Variants in GLYATL1B observed in about 807,000 individuals in gnomAD.
GLYATL1B encodes the protein glycine-N-acyltransferase like 1B.
GLYATL1B carries 6 observed loss-of-function variants against 5.5 expected under a neutral mutation model. The ratio of observed to expected loss-of-function variants is 1.09; its 90% confidence interval spans 0.60 to 2.15. The LOEUF (loss-of-function observed/expected upper bound fraction) is 2.15, where lower values mean the gene tolerates loss of function less well. Among genes scored for constraint, GLYATL1B ranks in the 30% most tolerant of loss-of-function variants. GLYATL1B has a pLI of 0.00. For synonymous variants in GLYATL1B, 67 were observed against 34.9 expected, an observed-to-expected ratio of 1.92 and a Z score of -3.24; for missense variants, 135 against 94.1, an observed-to-expected ratio of 1.43 and a Z score of -1.80.
chr11:59,088,516 G>A (rs1309066784), intron 2 of GLYATL1B, among the ~76,000 whole-genome samples: 4 of 152,132 alleles, frequency 2.6e-5, no homozygotes, highest in Non-Finnish European at 4.4e-5. Context: ...ATTTCGGATC[G>A]ATGATTAATG....
intron 2 of GLYATL1B, among the ~76,000 whole-genome samples, chr11:59,087,718 G>A (rs758552275): frequency 1.4e-4 from 22 of 152,222 alleles, no homozygotes; most frequent in Admixed American, 2.6e-4. Flanking sequence ...ATGGTGATGC[G>A]TGCCTATACT....
rs474847 is a variant in GLYATL1B at position 59,094,378 on chromosome 11, G to C, written c.501G>C (p.Pro167=). 5.5e-5 allele frequency: 30 copies of C among 544,022 alleles called. No homozygotes were observed. The highest frequency in any genetic ancestry group is 3.0e-4 in the Admixed American group (10 of 33,482). The allele number at this position is 544,022 out of a possible 1,614,324, so 33.7% of individuals were successfully genotyped here. ...TTTTTGTTTTCTACAGCGAGACTCC[G>C]AACTTTAAGTATGCCCAGCTGAATG... ...HPDDELESET[P]NFKYAQLNVS... Residue 167 remains proline (P), a synonymous_variant, in exon 5 of 5, where the codon CCG becomes CCC. Transcript: ENST00000527482.
chr11:59,094,310 C>A, intron 4 of GLYATL1B, 59 bp from the exon 5 acceptor site: 3 of 485,678 alleles, frequency 6.2e-6, no homozygotes, highest in Non-Finnish European at 7.4e-6. Flanking sequence ...AATGGAAGGG[C>A]ACCTAGAAAT....
intron 3 of GLYATL1B, 106 bp from the exon 4 acceptor site, chr11:59,093,828 A>G: frequency 2.1e-6 from 1 of 478,280 alleles, no homozygotes; most frequent in Non-Finnish European, 3.8e-6. Flanking sequence ...ATTGTGGTGT[A>G]AACTCAACTT....
chr11:59,090,928 T>G (rs1348134303), intron 2 of GLYATL1B, among the ~76,000 whole-genome samples: 1 of 152,166 alleles, frequency 6.6e-6, no homozygotes, highest in Admixed American at 6.5e-5. Flanking sequence ...CTTTACAGGC[T>G]TAGAGCACTT....
chr11:59,089,621 A>G (rs1291175120), intron 2 of GLYATL1B, among the ~76,000 whole-genome samples: 9 of 152,132 alleles, frequency 5.9e-5, no homozygotes, highest in Non-Finnish European at 1.2e-4. Flanking sequence ...TCATATGATT[A>G]TCAGTCATTT....
chr11:59,093,380 T>C (rs991680732), intron 2 of GLYATL1B, 149 bp from the exon 3 acceptor site: 6 of 375,222 alleles, frequency 1.6e-5, no homozygotes, highest in Non-Finnish European at 2.4e-5. Context: ...CTTATAGGTC[T>C]CACTTATATT....
At chr11:59,086,584 T>C (rs1343905575) in intron 1 of GLYATL1B, among the ~76,000 whole-genome samples, 200 bp downstream of exon 1, 2 of 152,130 alleles carry the variant, frequency 1.3e-5, no homozygotes. Flanking sequence ...CTGCAGATTT[T>C]ATCACTCATT....
At position 59,090,914 on chromosome 11, in the gene GLYATL1B, C is replaced by T. The variant is rs556097433; in HGVS notation, c.187-2615C>T. Among the ~76,000 whole-genome samples the T allele has an allele frequency of 4.6e-5, 7 of 152,224 alleles. No homozygotes were observed. In the East Asian group the frequency reaches 1.3e-3, roughly 29 times the overall value. ...CTTACCTTTGGAATTACATTTAATTCTGTCTTTACAGGCTTAGAGCACTTT... is the reference window on the plus strand; with the variant it reads ...CTTACCTTTGGAATTACATTTAATTTTGTCTTTACAGGCTTAGAGCACTTT... On this transcript the variant is annotated intron_variant, in intron 2 of 4. Coordinates refer to ENST00000527482, the MANE Select transcript of GLYATL1B (RefSeq NM_001355566.1).
At chr11:59,088,808 G>A (rs540596875) in intron 2 of GLYATL1B, among the ~76,000 whole-genome samples, 3 of 152,230 alleles carry the variant, frequency 2.0e-5, no homozygotes, top group African/African-American at 7.2e-5. Context: ...AATTTACTTG[G>A]AAATACATTC....
At chr11:59,088,243 T>C (rs1432511759) in intron 2 of GLYATL1B, among the ~76,000 whole-genome samples, 1 of 152,206 alleles carries the variant, frequency 6.6e-6, no homozygotes, top group Non-Finnish European at 1.5e-5. Flanking sequence ...TTCTAAATAG[T>C]ATTTACCATA....
In GLYATL1B at chr11:59,094,483, A is replaced by C. The variant is rs1003038691; in HGVS notation, c.606A>C (p.Leu202=). 1.3e-6 allele frequency: 1 copy of C among 754,780 alleles called. No homozygotes were observed. Among genetic ancestry groups the C allele is most frequent in the African/African-American group, 1.7e-5 (1 of 57,400 alleles). 46.8% of individuals were successfully genotyped at this position (754,780 alleles called of 1,614,324 possible). ...KRSLRYIKRC[L]GALPAACMLG... is the part of the protein sequence containing the mutation. ...GCCTGCGTTACATCAAGCGCTGCCTAGGAGCCCTGCCAGCAGCCTGTATGC... is the reference window on the plus strand; with the variant it reads ...GCCTGCGTTACATCAAGCGCTGCCTCGGAGCCCTGCCAGCAGCCTGTATGC... Residue 202 remains leucine, a synonymous_variant, in exon 5 of 5, where the codon CTA becomes CTC. Transcript: ENST00000527482.
chr11:59,092,507 A>G (rs1215597424), intron 2 of GLYATL1B, among the ~76,000 whole-genome samples: 2 of 152,236 alleles, frequency 1.3e-5, no homozygotes, highest in Non-Finnish European at 2.9e-5. Context: ...ACTTGCATTT[A>G]TAAAAGCATC....
chr11:59,094,034 C>G lies in GLYATL1B; in HGVS notation c.414C>G (p.Ile138Met). The G allele has an allele frequency of 1.5e-6, 1 of 686,630 alleles. No homozygotes were observed. The highest frequency in any genetic ancestry group is 2.7e-6 in the Non-Finnish European group (1 of 376,850). The allele number at this position is 686,630 out of a possible 1,614,324, so 42.5% of individuals were successfully genotyped here. ...CACTCCTCTTTGTTACGGAAGATATCCTGAAGCTCTATGCCACCAATAAAA... is the reference window on the plus strand; with the variant it reads ...CACTCCTCTTTGTTACGGAAGATATGCTGAAGCTCTATGCCACCAATAAAA... ...SRALLFVTEDILKLYATNKSK... is the reference protein window; with the variant it reads ...SRALLFVTEDMLKLYATNKSK... The change falls in exon 4 of 5, where the codon ATC becomes ATG. Residue 138 changes from isoleucine (I) to methionine (M), a missense_variant. Ile to Met is a conservative substitution (Grantham distance 10). Coordinates refer to ENST00000527482, the MANE Select transcript of GLYATL1B (RefSeq NM_001355566.1).
At position 59,094,677 on chromosome 11, in the gene GLYATL1B, T is replaced by C. The variant is rs1021311589; in HGVS notation, c.800T>C (p.Leu267Pro). The change falls in exon 5 of 5, where the codon CTG becomes CCG. Residue 267 changes from leucine (L) to proline (P), a missense_variant. Physicochemically the swap from Leu to Pro is moderately conservative, Grantham distance 98. Transcript: ENST00000527482. ...AATATTCCATTTTACGGCTCTGTGC[T>C]GGAAGAAAATCAAGGCGTCATCAGA... is the stretch of plus-strand genomic sequence containing the variant. ...QKNIPFYGSV[L>P]EENQGVIRKT... 2 of 435,736 alleles carry C rather than the reference T, an allele frequency of 4.6e-6. No individual in the cohort carries two copies. Among genetic ancestry groups the C allele is most frequent in the Non-Finnish European group, 8.3e-6 (2 of 240,434 alleles). The allele number at this position is 435,736 out of a possible 1,614,324, so 27.0% of individuals were successfully genotyped here.
chr11:59,094,361 T>G lies in GLYATL1B; in HGVS notation c.492-8T>G. The G allele has an allele frequency of 3.9e-6, 2 of 512,186 alleles. No individual in the cohort carries two copies. Among genetic ancestry groups the G allele is most frequent in the Non-Finnish European group, 7.1e-6 (2 of 283,000 alleles). The allele number at this position is 512,186 out of a possible 1,614,324, so 31.7% of individuals were successfully genotyped here. On this transcript the variant is annotated splice_polypyrimidine_tract_variant and splice_region_variant and intron_variant, in intron 4 of 4. Transcript: ENST00000527482. ...GAAAGTTGTTGTCTTTCTTTTTGTT[T>G]TCTACAGCGAGACTCCGAACTTTAA... is the stretch of plus-strand genomic sequence containing the variant.
rs529078085 is a variant in GLYATL1B, at chr11:59,088,358, G to A, written c.186+1187G>A. Among the ~76,000 whole-genome samples, 9 of 152,184 alleles carry A rather than the reference G, an allele frequency of 5.9e-5. No individual in the cohort carries two copies. In the South Asian group the frequency reaches 1.9e-3, roughly 32 times the overall value. ...GGCCCTAAAGACTTCCCCTTTTTGTGTCTGTTTCATGCACATCTGATTAGT... is the reference window on the plus strand; with the variant it reads ...GGCCCTAAAGACTTCCCCTTTTTGTATCTGTTTCATGCACATCTGATTAGT... On this transcript the variant is annotated intron_variant, in intron 2 of 4. Transcript: ENST00000527482.
chr11:59,092,342 G>T (rs770116728), intron 2 of GLYATL1B, among the ~76,000 whole-genome samples: 7 of 151,832 alleles, frequency 4.6e-5, no homozygotes, highest in Admixed American at 3.3e-4. Context: ...TTTACAAATT[G>T]TTCCATTTGT....
chr11:59,092,870 A>C (rs1859346224), intron 2 of GLYATL1B, among the ~76,000 whole-genome samples: 1 of 152,236 alleles, frequency 6.6e-6, no homozygotes, highest in Admixed American at 6.5e-5. Context: ...TGTCTCCTTA[A>C]TGTTTATATT....
Sources: gnomAD v4.1 joint callset for allele counts (sites outside exome capture counted in the v4.1 genomes callset) on GRCh38, gnomAD v4.1.1 for gene constraint, MANE v1.5 for transcripts, NCBI Gene and HGNC (gene_info 2026-07-23, HGNC 2026-07-21) for gene names.